PARD3: variants seen among roughly 807,000 people sequenced by gnomAD.
The protein encoded by PARD3 is par-3 family cell polarity regulator.
Under a neutral mutation model 155.4 loss-of-function variants are expected in PARD3, and 75 were observed. That is an observed-to-expected ratio of 0.48 (90% confidence interval 0.40 to 0.58). PARD3 has a LOEUF of 0.58. Among genes scored for constraint, PARD3 ranks in the 20% least tolerant of loss-of-function variants. PARD3 has a pLI of 0.00. For synonymous variants in PARD3, 576 were observed against 610.5 expected, an observed-to-expected ratio of 0.94 and a Z score of 0.83; for missense variants, 1,642 against 1,721.7, an observed-to-expected ratio of 0.95 and a Z score of 0.82.
intron 1 of PARD3, among the ~76,000 whole-genome samples, chr10:34,756,698 C>T (rs1159754835): frequency 6.6e-6 from 1 of 152,070 alleles, no homozygotes; most frequent in Non-Finnish European, 1.5e-5. Context: ...AAGCAATCCT[C>T]CCGCCTCAGC....
At chr10:34,502,955 C>G (rs537325830) in intron 3 of PARD3, among the ~76,000 whole-genome samples, 2 of 152,272 alleles carry the variant, frequency 1.3e-5, no homozygotes, top group South Asian at 4.1e-4. Flanking sequence ...AGGGATCCAA[C>G]TGAACCATGG....
intron 1 of PARD3, among the ~76,000 whole-genome samples, chr10:34,710,338 T>C (rs1260098024): frequency 6.6e-6 from 1 of 152,226 alleles, no homozygotes; most frequent in Non-Finnish European, 1.5e-5. Context: ...GCAGTGCTTG[T>C]CTATATTTCC....
intron 22 of PARD3, among the ~76,000 whole-genome samples, chr10:34,240,877 A>G (rs568252181): frequency 2.0e-5 from 3 of 152,228 alleles, no homozygotes; most frequent in East Asian, 1.9e-4. Flanking sequence ...CTGAGCGTGC[A>G]CCACCAAACA....
rs1016343701 is a variant in PARD3, at chr10:34,384,137, T to A, written c.1008A>T (p.Arg336Ser). 8.1e-6 allele frequency: 13 copies of A among 1,613,606 alleles called. No homozygotes were observed. The highest frequency in any genetic ancestry group is 1.6e-4 in the Middle Eastern group (1 of 6,080). The change falls in exon 8 of 25, where the codon AGA becomes AGT. Residue 336 changes from arginine (R) to serine (S), a missense_variant. This residue lies in a region of PARD3 where 1,529 missense variants were observed against 1,587.3 expected (regional missense o/e 0.96). Transcript: ENST00000374788. ...RINDGDLRNR[R>S]FEQAQHMFRQ... Reference sequence around the variant, plus strand: ...AGCGAGCACACACTTACTGTTCAAATCTTCTATTTCGAAGGTCGCCATCAT... The same window carrying A: ...AGCGAGCACACACTTACTGTTCAAAACTTCTATTTCGAAGGTCGCCATCAT...
At chr10:34,462,504 T>C (rs2077713812) in intron 4 of PARD3, among the ~76,000 whole-genome samples, 1 of 152,184 alleles carries the variant, frequency 6.6e-6, no homozygotes, top group African/African-American at 2.4e-5. Flanking sequence ...AATATGACAG[T>C]TGGCCTTGTA....
intron 1 of PARD3, among the ~76,000 whole-genome samples, chr10:34,697,422 G>A (rs763617404): frequency 1.3e-5 from 2 of 152,172 alleles, no homozygotes; most frequent in Non-Finnish European, 2.9e-5. Flanking sequence ...TTAATGAAGA[G>A]TTAAAATACA....
chr10:34,772,748 C>T (rs530504619), intron 1 of PARD3, among the ~76,000 whole-genome samples: 12 of 142,180 alleles, frequency 8.4e-5, no homozygotes, highest in Non-Finnish European at 1.8e-4. Context: ...GAGCCGAGAT[C>T]GCACCACTGC....
chr10:34,741,744 T>G (rs577644185), intron 1 of PARD3, among the ~76,000 whole-genome samples: 3 of 152,168 alleles, frequency 2.0e-5, no homozygotes, highest in Non-Finnish European at 4.4e-5. Flanking sequence ...CCTCATTGTG[T>G]ATGGATTCAG....
intron 2 of PARD3, among the ~76,000 whole-genome samples, 154 bp from the exon 3 acceptor site, chr10:34,517,313 G>A (rs2081841931): frequency 6.6e-6 from 1 of 152,190 alleles, no homozygotes. Flanking sequence ...CAAAGAAACA[G>A]TGTTTCCCTA....
chr10:34,701,587 A>C (rs1008621777), intron 1 of PARD3, among the ~76,000 whole-genome samples: 1 of 152,186 alleles, frequency 6.6e-6, no homozygotes, highest in Non-Finnish European at 1.5e-5. Flanking sequence ...CAAGAATGTC[A>C]GAACACCGGA....
rs548115366 is a variant in PARD3, at chr10:34,419,205, G to A, written c.715-17288C>T. 6.3e-4 allele frequency among the ~76,000 whole-genome samples: 96 copies of A among 152,176 alleles called. 1 individual carries two copies. Among genetic ancestry groups the A allele is most frequent in the South Asian group, 6.2e-3 (30 of 4,804 alleles). On this transcript the variant is annotated intron_variant, in intron 5 of 24. Transcript: ENST00000374788. The stretch of plus-strand genomic sequence containing the variant: ...AAGAGCAAAGGTTCAGTGTTGAGGG[G>A]AGAATGGATAAGAAGTAATGCAAAG...
chr10:34,194,625 TTTTTTTTC>T, intron 22 of PARD3, among the ~76,000 whole-genome samples: 1 of 151,800 alleles, frequency 6.6e-6, no homozygotes, highest in South Asian at 2.1e-4. Context: ...TTTTTTTTTT[TTTTTTTTC>T]TTAAATTAAC....
At chr10:34,277,457 T>G (rs1955943343) in intron 21 of PARD3, among the ~76,000 whole-genome samples, 1 of 152,174 alleles carries the variant, frequency 6.6e-6, no homozygotes, top group Admixed American at 6.5e-5. Context: ...TCCACTAAAT[T>G]TCTTACCCTG....
At chr10:34,769,767 A>AAAAC (rs59365440) in intron 1 of PARD3, among the ~76,000 whole-genome samples, 1 of 141,292 alleles carries the variant, frequency 7.1e-6, no homozygotes, top group Non-Finnish European at 1.5e-5. Context: ...TGTCTTTAAA[A>AAAAC]AAACAAACAA....
intron 2 of PARD3, among the ~76,000 whole-genome samples, chr10:34,548,527 G>C (rs76520441): frequency 1.9e-4 from 29 of 151,386 alleles, no homozygotes; most frequent in African/African-American, 6.3e-4. Context: ...AAATAAAATA[G>C]CGTGGTCACG....
chr10:34,735,542 C>T (rs532607639), intron 1 of PARD3, among the ~76,000 whole-genome samples: 3 of 152,190 alleles, frequency 2.0e-5, no homozygotes, highest in Admixed American at 6.5e-5. Flanking sequence ...TGCTGCCAGT[C>T]CCAAAATCTG....
intron 1 of PARD3, among the ~76,000 whole-genome samples, chr10:34,784,647 G>A (rs1014130142): frequency 6.6e-6 from 1 of 152,166 alleles, no homozygotes; most frequent in Non-Finnish European, 1.5e-5. Context: ...ATGTTGGCCA[G>A]GCTGGTCTCG....
At chr10:34,513,061 A>G (rs2081494156) in intron 3 of PARD3, among the ~76,000 whole-genome samples, 1 of 152,240 alleles carries the variant, frequency 6.6e-6, no homozygotes, top group Admixed American at 6.5e-5. Context: ...ATTTATGGTC[A>G]GATATTTCAT....
intron 22 of PARD3, among the ~76,000 whole-genome samples, chr10:34,179,394 A>G (rs867246727): frequency 1.3e-5 from 2 of 152,340 alleles, no homozygotes; most frequent in South Asian, 2.1e-4. Flanking sequence ...GGAGCAGAGA[A>G]TGGTTTCTAT....
Sources: gnomAD v4.1 joint callset for allele counts (sites outside exome capture counted in the v4.1 genomes callset) on GRCh38, gnomAD v4.1.1 for gene constraint, gnomAD v4.1.1 regional missense constraint, MANE v1.5 for transcripts, NCBI Gene and HGNC (gene_info 2026-07-23, HGNC 2026-07-21) for gene names.